Variants in PAK1 observed in about 807,000 individuals in gnomAD.
The protein encoded by PAK1 is p21 (RAC1) activated kinase 1, also known as serine/threonine-protein kinase PAK 1.
A neutral mutation model predicts 67.4 loss-of-function variants in PAK1; 29 were observed. That is an observed-to-expected ratio of 0.43 (90% CI 0.32 to 0.59). The LOEUF (loss-of-function observed/expected upper bound fraction) is 0.59, where lower values mean the gene tolerates loss of function less well. PAK1 is among the 20% of genes least tolerant of loss of function. The probability of loss-of-function intolerance (pLI) is 0.07; values close to 1 mark genes in which losing one functional copy is unlikely to be tolerated. For synonymous variants in PAK1, 223 were observed against 237.4 expected (o/e 0.94, Z 0.56); for missense variants, 337 against 670.7 (o/e 0.50, Z 5.50).
At chr11:77,389,113 C>T (rs1950814845) in intron 2 of PAK1, among the ~76,000 whole-genome samples, 1 of 152,208 alleles carries the variant, frequency 6.6e-6, no homozygotes. Flanking sequence ...CAGCCCAAGG[C>T]AACCGCTAAT....
At chr11:77,432,647 G>C (rs1955914367) in intron 1 of PAK1, among the ~76,000 whole-genome samples, 1 of 151,910 alleles carries the variant, frequency 6.6e-6, no homozygotes, top group Non-Finnish European at 1.5e-5. Flanking sequence ...GGCGGAATGA[G>C]ACCCTGTCTC....
intron 2 of PAK1, among the ~76,000 whole-genome samples, chr11:77,384,286 T>C (rs569552863): frequency 3.9e-5 from 6 of 152,272 alleles, no homozygotes; most frequent in Admixed American, 2.0e-4. Context: ...AGCTTCGGAC[T>C]GAGGGAAGAC....
chr11:77,511,151 A>G, the PAK1 span, among the ~76,000 whole-genome samples: 8 of 152,180 alleles, frequency 5.3e-5, no homozygotes, highest in African/African-American at 1.9e-4. Context: ...AGAATAAACC[A>G]TCTTCTTTCT....
At chr11:77,422,531 G>A (rs999048945) in intron 1 of PAK1, among the ~76,000 whole-genome samples, 1 of 147,860 alleles carries the variant, frequency 6.8e-6, no homozygotes, top group Non-Finnish European at 1.5e-5. Flanking sequence ...CTCCAGCCTG[G>A]GCAACAGAGG....
chr11:77,434,737 G>A (rs902515628), intron 1 of PAK1, among the ~76,000 whole-genome samples: 19 of 152,092 alleles, frequency 1.2e-4, no homozygotes, highest in Non-Finnish European at 1.9e-4. Context: ...TCCCACCTCA[G>A]CCTCCCGAGT....
the PAK1 span, among the ~76,000 whole-genome samples, chr11:77,517,363 C>G: frequency 2.6e-5 from 4 of 152,248 alleles, no homozygotes; most frequent in Non-Finnish European, 4.4e-5. Flanking sequence ...TTAGCTAGGT[C>G]TGCCCCACTG....
the PAK1 span, among the ~76,000 whole-genome samples, chr11:77,485,162 G>A: frequency 1.1e-4 from 16 of 152,136 alleles, no homozygotes; most frequent in South Asian, 2.1e-4. Context: ...ACCAAAAGCC[G>A]GAAAGAGTAG....
At chr11:77,448,627 T>C (rs1956720656) in intron 1 of PAK1, among the ~76,000 whole-genome samples, 2 of 152,168 alleles carry the variant, frequency 1.3e-5, no homozygotes, top group Admixed American at 1.3e-4. Context: ...AAGGAAAACA[T>C]GTTAAACAAA....
intron 14 of PAK1, among the ~76,000 whole-genome samples, chr11:77,330,315 C>G (rs1182478421): frequency 2.6e-5 from 4 of 152,050 alleles, no homozygotes; most frequent in Admixed American, 6.6e-5. Flanking sequence ...AAAAAAGAGC[C>G]CGCATCGCCG....
At chr11:77,422,411 C>T (rs908458565) in intron 1 of PAK1, among the ~76,000 whole-genome samples, 1 of 151,888 alleles carries the variant, frequency 6.6e-6, no homozygotes, top group African/African-American at 2.4e-5. Flanking sequence ...AAATACAAAA[C>T]TTAGCCAGGC....
Position 77,460,129 on chromosome 11 carries a change from G to C in PAK1, c.-22+13423C>G, listed in dbSNP as rs930795574. Among the ~76,000 whole-genome samples the C allele has an allele frequency of 2.1e-5, 3 of 144,248 alleles. No individual in the cohort carries two copies. The Admixed American group carries it at 2.1e-4, about 10-fold the overall frequency. 94.6% of individuals were successfully genotyped at this position (144,248 alleles called of 152,430 possible). On this transcript the variant is annotated intron_variant, in intron 1 of 14. Coordinates refer to ENST00000356341, the MANE Select transcript of PAK1 (RefSeq NM_002576.5). ...AGAACAGGTGTGAAGGCCCTGAGGAGAGACAGACTTTCTCAAACTCTGTAG... is the reference window on the plus strand; with the variant it reads ...AGAACAGGTGTGAAGGCCCTGAGGACAGACAGACTTTCTCAAACTCTGTAG...
chr11:77,517,910 C>T, the PAK1 span, among the ~76,000 whole-genome samples: 23 of 152,150 alleles, frequency 1.5e-4, no homozygotes, highest in African/African-American at 5.3e-4. Context: ...GAACCTAATG[C>T]CATCTGAGAG....
intron 1 of PAK1, among the ~76,000 whole-genome samples, chr11:77,410,873 T>C (rs888296203): frequency 6.6e-6 from 1 of 151,958 alleles, no homozygotes; most frequent in Non-Finnish European, 1.5e-5. Flanking sequence ...AGAATTATAG[T>C]GATTAAGATA....
At chr11:77,454,050 C>T (rs1039879913) in intron 1 of PAK1, among the ~76,000 whole-genome samples, 13 of 152,140 alleles carry the variant, frequency 8.5e-5, no homozygotes, top group African/African-American at 2.9e-4. Flanking sequence ...GGTGACAGAG[C>T]GAGACCTTGT....
rs756926780 is a variant in PAK1 at position 77,353,557 on chromosome 11, C to T, written c.815G>A (p.Arg272Gln). The T allele has an allele frequency of 6.2e-6, 10 of 1,609,754 alleles. No individual in the cohort carries two copies. Among genetic ancestry groups the T allele is most frequent in the East Asian group, 2.2e-5 (1 of 44,828 alleles). ...SVGDPKKKYT[R>Q]FEKIGQGASG... ...TAACCCTTGTCCAATCTTCTCAAACCGTGTATATTTCTTCTTAGGATCGCC... is the reference window on the plus strand; with the variant it reads ...TAACCCTTGTCCAATCTTCTCAAACTGTGTATATTTCTTCTTAGGATCGCC... Residue 272 changes from arginine to glutamine, a missense_variant, in exon 8 of 15, where the codon CGG (arginine) becomes CAG (glutamine). This residue lies in a region of PAK1 where 150 missense variants were observed against 179.0 expected (regional missense o/e 0.84). Coordinates refer to ENST00000356341, the MANE Select transcript of PAK1 (RefSeq NM_002576.5).
intron 5 of PAK1, among the ~76,000 whole-genome samples, chr11:77,368,854 G>A (rs974700663): frequency 3.9e-5 from 6 of 151,938 alleles, no homozygotes; most frequent in South Asian, 2.1e-4. Flanking sequence ...GAGCCACCGC[G>A]CCTGGCCGGT....
At chr11:77,471,627 AAGTGAGACTGCAAAGGCAGGC>A (rs1442472763) in intron 1 of PAK1, among the ~76,000 whole-genome samples, 1 of 152,212 alleles carries the variant, frequency 6.6e-6, no homozygotes, top group Non-Finnish European at 1.5e-5. Flanking sequence ...GAGCCACAGA[AAGTGAGACTGCAAAGGCAGGC>A]AGTGGTCTGA....
At chr11:77,528,093 C>G in the PAK1 span, among the ~76,000 whole-genome samples, 4 of 152,034 alleles carry the variant, frequency 2.6e-5, no homozygotes, top group African/African-American at 9.7e-5. Flanking sequence ...TCAAGCAATC[C>G]TACAGTCATG....
the PAK1 span, among the ~76,000 whole-genome samples, chr11:77,506,074 C>T: frequency 5.9e-5 from 9 of 152,098 alleles, no homozygotes; most frequent in Admixed American, 2.6e-4. Flanking sequence ...TGGAAAGGGG[C>T]ATGAAGTGAG....
Sources: gnomAD v4.1 joint callset for allele counts (sites outside exome capture counted in the v4.1 genomes callset) on GRCh38, gnomAD v4.1.1 for gene constraint, gnomAD v4.1.1 regional missense constraint, MANE v1.5 for transcripts, NCBI Gene and HGNC (gene_info 2026-07-23, HGNC 2026-07-21) for gene names.